TNS3: variants seen among roughly 807,000 people sequenced by gnomAD.
TNS3 encodes tensin-3.
Under a neutral mutation model 140.9 loss-of-function variants are expected in TNS3, and 45 were observed. The ratio of observed to expected loss-of-function variants is 0.32; its 90% CI spans 0.25 to 0.41. TNS3 has a LOEUF of 0.41. Ranked by LOEUF, TNS3 falls within the 10% of genes least tolerant of loss-of-function variation. The probability of loss-of-function intolerance (pLI) is 1.00; values close to 1 mark genes in which losing one functional copy is unlikely to be tolerated. For synonymous variants in TNS3, 815 were observed against 788.4 expected, an observed-to-expected ratio of 1.03 and a Z score of -0.56; for missense variants, 1,716 against 1,906.7, an observed-to-expected ratio of 0.90 and a Z score of 1.86.
In TNS3 at chr7:47,368,603, C is replaced by T; in HGVS notation, c.2043G>A (p.Glu681=). 1 of 1,588,300 alleles carries T rather than the reference C, an allele frequency of 6.3e-7. No individual in the cohort carries two copies. The highest frequency in any genetic ancestry group is 8.6e-7 in the Non-Finnish European group (1 of 1,166,826). ...GDQVVNGAGP[E]LSTGPSPGSP... ...AGCCTGGGGAGGGGCCTGTGCTCAG[C>T]TCTGGGCCGGCTCCATTCACAACCT... The change falls in exon 17 of 31, where the codon GAG becomes GAA. Residue 681 remains glutamate, a synonymous_variant. Transcript: ENST00000311160.
chr7:47,328,650 C>T (rs554047748), intron 20 of TNS3, among the ~76,000 whole-genome samples: 5 of 152,232 alleles, frequency 3.3e-5, no homozygotes, highest in Non-Finnish European at 5.9e-5. Flanking sequence ...CAGGAGCCTA[C>T]ACCCATGTCC....
chr7:47,405,122 C>T (rs1793372248), intron 13 of TNS3, among the ~76,000 whole-genome samples: 1 of 152,140 alleles, frequency 6.6e-6, no homozygotes, highest in Admixed American at 6.5e-5. Flanking sequence ...AACTCTCCAT[C>T]AACAAGAGAA....
chr7:47,492,222 AC>A (rs1797840740), intron 3 of TNS3, among the ~76,000 whole-genome samples: 2 of 152,220 alleles, frequency 1.3e-5, no homozygotes, highest in South Asian at 4.2e-4. Context: ...GGCTCTGGCC[AC>A]CCCACAGTGG....
At chr7:47,542,114 T>C (rs1373781946) in intron 1 of TNS3, among the ~76,000 whole-genome samples, 1 of 152,078 alleles carries the variant, frequency 6.6e-6, no homozygotes, top group Non-Finnish European at 1.5e-5. Flanking sequence ...CTGTCACTGG[T>C]TGATCTTTAG....
chr7:47,447,578 C>G (rs774379449), intron 4 of TNS3, among the ~76,000 whole-genome samples: 4 of 152,130 alleles, frequency 2.6e-5, no homozygotes, highest in Non-Finnish European at 4.4e-5. Context: ...TTGGAGTTAG[C>G]AATCCACGCA....
intron 17 of TNS3, among the ~76,000 whole-genome samples, chr7:47,347,656 G>A (rs944465283): frequency 2.0e-5 from 3 of 151,706 alleles, no homozygotes; most frequent in African/African-American, 4.8e-5. Flanking sequence ...ACACAACAGC[G>A]ACCAAGCAAG....
At chr7:47,318,045 C>T (rs553282334) in intron 20 of TNS3, among the ~76,000 whole-genome samples, 3 of 152,328 alleles carry the variant, frequency 2.0e-5, no homozygotes, top group South Asian at 4.1e-4. Flanking sequence ...ATCTCCAGAA[C>T]TTTATAATCT....
intron 2 of TNS3, among the ~76,000 whole-genome samples, chr7:47,527,715 G>A (rs114235409): frequency 0.011 from 1,646 of 152,216 alleles, 33 homozygotes; most frequent in African/African-American, 0.037. Context: ...GAGTTTAAGA[G>A]CAGCCTGGAC....
At chr7:47,282,919 G>C (rs1584305980) in intron 28 of TNS3, among the ~76,000 whole-genome samples, 1 of 152,160 alleles carries the variant, frequency 6.6e-6, no homozygotes, top group African/African-American at 2.4e-5. Flanking sequence ...ACCACAGAGA[G>C]GCATGGGGGC....
chr7:47,429,554 A>T (rs2136769), intron 8 of TNS3, among the ~76,000 whole-genome samples: 3 of 151,850 alleles, frequency 2.0e-5, no homozygotes, highest in Non-Finnish European at 4.4e-5. Context: ...TTTTTAGTAG[A>T]GATGGGGTTT....
At chr7:47,552,286 C>T (rs1800085210) in intron 1 of TNS3, among the ~76,000 whole-genome samples, 2 of 152,160 alleles carry the variant, frequency 1.3e-5, no homozygotes, top group African/African-American at 4.8e-5. Flanking sequence ...AACAATTTGC[C>T]TGGAGAAACA....
At chr7:47,413,396 G>A (rs930347339) in intron 12 of TNS3, among the ~76,000 whole-genome samples, 3 of 150,878 alleles carry the variant, frequency 2.0e-5, no homozygotes, top group African/African-American at 7.3e-5. Flanking sequence ...GTTTACAGAT[G>A]CACGACCCCA....
intron 30 of TNS3, chr7:47,278,679 G>C (rs776806289): frequency 6.4e-6 from 1 of 155,686 alleles, no homozygotes; most frequent in South Asian, 2.0e-4. Context: ...TCTGGACTTC[G>C]ACACTCCCAC....
intron 10 of TNS3, among the ~76,000 whole-genome samples, chr7:47,416,518 G>A (rs1794090230): frequency 7.1e-6 from 1 of 140,468 alleles, no homozygotes; most frequent in African/African-American, 2.5e-5. Flanking sequence ...GTGAGAAACA[G>A]GGCATGTCAG....
At chr7:47,567,970 C>T (rs1017945888) in intron 1 of TNS3, among the ~76,000 whole-genome samples, 2 of 152,102 alleles carry the variant, frequency 1.3e-5, no homozygotes, top group Non-Finnish European at 2.9e-5. Flanking sequence ...CTCGGGCATC[C>T]GGCTGATTCT....
At chr7:47,580,300 C>G (rs1784496217) in intron 1 of TNS3, among the ~76,000 whole-genome samples, 1 of 152,188 alleles carries the variant, frequency 6.6e-6, no homozygotes, top group Admixed American at 6.6e-5. Context: ...CCTCAGTTTA[C>G]TCGTCTGTAA....
chr7:47,312,922 G>A (rs1040711694), intron 20 of TNS3, among the ~76,000 whole-genome samples: 1 of 152,106 alleles, frequency 6.6e-6, no homozygotes, highest in African/African-American at 2.4e-5. Flanking sequence ...AAATGTCTTT[G>A]CTGGGCACCA....
intron 16 of TNS3, among the ~76,000 whole-genome samples, chr7:47,383,999 G>A (rs1050719448): frequency 5.3e-5 from 8 of 152,334 alleles, no homozygotes; most frequent in Non-Finnish European, 8.8e-5. Flanking sequence ...TCTAAATTCA[G>A]ATAGCTTCTG....
rs867833816 is a variant in TNS3, at chr7:47,407,301, C to A, written c.723+4426G>T. Among the ~76,000 whole-genome samples, 8 of 152,194 alleles carry A rather than the reference C, an allele frequency of 5.3e-5. No homozygotes were observed. The highest frequency in any genetic ancestry group is 1.9e-4 in the African/African-American group (8 of 41,444). On this transcript the variant is annotated intron_variant, in intron 13 of 30. Transcript: ENST00000311160. This position sits in a 1 kb window ranked among gnomAD's most constrained non-coding sequence, Gnocchi z 4.1. ...GACACGCTGGAAATCATCTCTCCCA[C>A]CTAACCTTTAGCTCTTGCCGCCGCG...
Sources: gnomAD v4.1 joint callset for allele counts (sites outside exome capture counted in the v4.1 genomes callset) on GRCh38, gnomAD v4.1.1 for gene constraint, Gnocchi (gnomAD v3.1) non-coding constraint, MANE v1.5 for transcripts, NCBI Gene and HGNC (gene_info 2026-07-23, HGNC 2026-07-21) for gene names.